Variants in CCDC57 observed in about 807,000 individuals in gnomAD.
CCDC57 encodes the protein coiled-coil domain containing 57, also known as coiled-coil domain-containing protein 57.
A neutral mutation model predicts 118.9 loss-of-function variants in CCDC57; 118 were observed. The ratio of observed to expected loss-of-function variants is 0.99; its 90% CI spans 0.86 to 1.16. The LOEUF (loss-of-function observed/expected upper bound fraction) is 1.16, where lower values mean the gene tolerates loss of function less well. Among genes scored for constraint, CCDC57 ranks in the 50% most tolerant of loss-of-function variants. The pLI is 0.00. For missense variants in CCDC57, 1,300 were observed against 1,320.7 expected (o/e 0.98, Z 0.24); for synonymous variants, 527 against 532.9 (o/e 0.99, Z 0.15).
intron 14 of CCDC57, chr17:82,160,081 T>C (rs1246488690): frequency 6.6e-6 from 1 of 151,990 alleles, no homozygotes; most frequent in Admixed American, 6.6e-5. Flanking sequence ...TCTGGAATAC[T>C]TTGTTTCTAG....
At position 82,139,148 on chromosome 17, in the gene CCDC57, T is replaced by G. The variant is rs534456659; in HGVS notation, c.2456-4954A>C. Among the ~76,000 whole-genome samples, 7 of 152,372 alleles carry G rather than the reference T, an allele frequency of 4.6e-5. No homozygotes were observed. In the South Asian group the frequency reaches 1.4e-3, roughly 32 times the overall value. On this transcript the variant is annotated intron_variant, in intron 16 of 19. Coordinates refer to ENST00000665763, the Ensembl canonical transcript of CCDC57. The stretch of plus-strand genomic sequence containing the variant: ...AGTTTTAGAAATCAGATATTCTGTT[T>G]CTGGCATCTTTGAAAACAGCGTCAA...
At chr17:82,157,360 T>G in intron 15 of CCDC57, 1 of 896,128 alleles carries the variant, frequency 1.1e-6, no homozygotes, top group Non-Finnish European at 1.4e-6. Context: ...ACGCTAGGCA[T>G]GGGGCAGGCA....
intron 11 of CCDC57, among the ~76,000 whole-genome samples, chr17:82,174,309 C>T (rs2045179172): frequency 1.3e-5 from 2 of 152,232 alleles, no homozygotes; most frequent in Non-Finnish European, 2.9e-5. Flanking sequence ...GGAGAGGATG[C>T]GAACAGAACC....
At position 82,158,388 on chromosome 17, in the gene CCDC57, T is replaced by C. The variant is rs569490051; in HGVS notation, c.2041-440A>G. Among the ~76,000 whole-genome samples, 13 of 152,202 alleles carry C rather than the reference T, an allele frequency of 8.5e-5. No homozygotes were observed. The South Asian group carries it at 2.7e-3, about 32-fold the overall frequency. On this transcript the variant is annotated intron_variant, in intron 14 of 19. Coordinates refer to ENST00000665763, the Ensembl canonical transcript of CCDC57. ...CCAGGAAGTCGGAGGGCTGAGGCTA[T>C]TGAAAGGCAGGTGGATAGGCTGGGT...
Position 82,129,208 on chromosome 17 carries a change from CA to C in CCDC57, c.2578-612del, listed in dbSNP as rs1173877302. On this transcript the variant is annotated intron_variant, in intron 17 of 19. Coordinates refer to ENST00000665763, the Ensembl canonical transcript of CCDC57. The stretch of plus-strand genomic sequence containing the variant: ...TGCTGGGATCACAGGTGTGAGCCAC[CA>C]CGCCTGACCTGATCCTGCTTCTTGA... 4.6e-5 allele frequency among the ~76,000 whole-genome samples: 7 copies of C among 152,154 alleles called. No individual in the cohort carries two copies. The East Asian group carries it at 5.8e-4, about 13-fold the overall frequency.
rs58643492 is a variant in CCDC57 at position 82,165,031 on chromosome 17, G to A, written c.1883-1674C>T. Among the ~76,000 whole-genome samples the A allele has an allele frequency of 9.5e-3, 1,442 of 152,216 alleles. 14 individuals are homozygous for A. The highest frequency in any genetic ancestry group is 0.033 in the African/African-American group (1,352 of 41,528). Reference sequence around the variant, plus strand: ...ATGTGATAATTCTCAATAAAACACTGGCAAACCAAGCTGGGTGTGGTGGCT... The same window carrying A: ...ATGTGATAATTCTCAATAAAACACTAGCAAACCAAGCTGGGTGTGGTGGCT... On this transcript the variant is annotated intron_variant, in intron 13 of 19. Coordinates refer to ENST00000665763, the Ensembl canonical transcript of CCDC57.
chr17:82,125,659 A>G (rs556300847), intron 19 of CCDC57, among the ~76,000 whole-genome samples: 1 of 152,338 alleles, frequency 6.6e-6, no homozygotes, highest in East Asian at 1.9e-4. Flanking sequence ...TATAGGCACG[A>G]GCCACTGCCT....
At chr17:82,113,327 G>A in intron 19 of CCDC57, 2 of 697,658 alleles carry the variant, frequency 2.9e-6, no homozygotes, top group Non-Finnish European at 5.3e-6. Context: ...AGGTGCTGTG[G>A]GGCTGTGCAT....
At chr17:82,110,501 A>C (rs1353798802) in intron 19 of CCDC57, among the ~76,000 whole-genome samples, 1 of 152,192 alleles carries the variant, frequency 6.6e-6, no homozygotes, top group Non-Finnish European at 1.5e-5. Context: ...GGTTGGCTTG[A>C]GTCATGAGGC....
At chr17:82,175,040 A>G (rs2045292279) in intron 11 of CCDC57, among the ~76,000 whole-genome samples, 1 of 152,260 alleles carries the variant, frequency 6.6e-6, no homozygotes, top group South Asian at 2.1e-4. Context: ...CACAATGGCG[A>G]ACAACATGAA....
chr17:82,128,387 C>T, intron 18 of CCDC57, 106 bp downstream of exon 17: 1 of 711,136 alleles, frequency 1.4e-6, no homozygotes, highest in East Asian at 2.7e-5. Context: ...CAAAGGCAGG[C>T]ATGCAGAGCG....
intron 4 of CCDC57, among the ~76,000 whole-genome samples, chr17:82,196,668 C>T (rs1272611226): frequency 2.6e-5 from 4 of 152,152 alleles, no homozygotes. Flanking sequence ...CCTTATGACA[C>T]CCCCATAGAC....
intron 12 of CCDC57, 112 bp from the exon 12 acceptor site, chr17:82,171,965 T>C (rs2044801363): frequency 2.8e-6 from 3 of 1,089,388 alleles, no homozygotes; most frequent in Non-Finnish European, 4.1e-6. Context: ...CCAGCTTCAC[T>C]GTCCCTGTCC....
chr17:82,194,074 C>A (rs772297648), exon 6 of CCDC57: 1 of 1,613,962 alleles, frequency 6.2e-7, no homozygotes, highest in Non-Finnish European at 8.5e-7. Context: ...CTGCCCTCTG[C>A]AGACTCTCTG....
chr17:82,102,506 G>C (rs569639171), intron 19 of CCDC57, among the ~76,000 whole-genome samples: 22 of 152,206 alleles, frequency 1.4e-4, no homozygotes, highest in Non-Finnish European at 2.8e-4. Flanking sequence ...TTCTTTATCT[G>C]GCCAGTTTTT....
chr17:82,163,367 A>C lies in CCDC57; in HGVS notation c.1883-10T>G. ...GCTTGGGCAGACCCTCCTGCAGAGA[A>C]GAGTGGCTTCTGTCAGCTCATACCT... On this transcript the variant is annotated splice_polypyrimidine_tract_variant and intron_variant, in intron 13 of 19. Coordinates refer to ENST00000665763, the Ensembl canonical transcript of CCDC57. 6.2e-7 allele frequency: 1 copy of C among 1,613,392 alleles called. No individual in the cohort carries two copies.
intron 19 of CCDC57, among the ~76,000 whole-genome samples, chr17:82,109,487 G>GTCTAAA (rs1392514478): frequency 2.6e-5 from 4 of 152,234 alleles, no homozygotes; most frequent in Non-Finnish European, 5.9e-5. Context: ...TTAAGTTCCA[G>GTCTAAA]TAGACAATAG....
intron 17 of CCDC57, among the ~76,000 whole-genome samples, chr17:82,131,882 G>C (rs1235140548): frequency 6.6e-6 from 1 of 152,120 alleles, no homozygotes; most frequent in Admixed American, 6.6e-5. Flanking sequence ...TTGGGAGGCT[G>C]AGGCAGGAGG....
intron 16 of CCDC57, among the ~76,000 whole-genome samples, 160 bp downstream of exon 15, chr17:82,151,400 C>T (rs1273486816): frequency 2.0e-5 from 3 of 151,096 alleles, no homozygotes; most frequent in Non-Finnish European, 3.0e-5. Flanking sequence ...ACCTGACCCA[C>T]ACCCAGAACC....
Sources: gnomAD v4.1 joint callset for allele counts (sites outside exome capture counted in the v4.1 genomes callset) on GRCh38, gnomAD v4.1.1 for gene constraint, MANE v1.5 for transcripts, NCBI Gene and HGNC (gene_info 2026-07-23, HGNC 2026-07-21) for gene names.